The following CDKAL1 variants were observed in gnomAD, a reference collection of about 807,000 sequenced individuals.
The protein encoded by CDKAL1 is threonylcarbamoyladenosine tRNA methylthiotransferase.
A neutral mutation model predicts 68.2 loss-of-function variants in CDKAL1; 32 were observed. That is an observed-to-expected ratio of 0.47 (90% CI 0.35 to 0.63). The LOEUF (loss-of-function observed/expected upper bound fraction) is 0.63. CDKAL1 is among the 30% of genes least tolerant of loss of function. The probability of loss-of-function intolerance (pLI) is 0.00; values close to 1 mark genes in which losing one functional copy is unlikely to be tolerated. For synonymous variants in CDKAL1, 234 were observed against 244.3 expected (o/e 0.96, Z 0.39); for missense variants, 606 against 696.7 (o/e 0.87, Z 1.47).
chr6:21,152,630 A>G (rs1294216165), intron 13 of CDKAL1, among the ~76,000 whole-genome samples: 2 of 152,112 alleles, frequency 1.3e-5, no homozygotes, highest in Admixed American at 1.3e-4. Flanking sequence ...TGCTAGCTAT[A>G]CCTCTTGTTT....
At chr6:21,016,848 A>G (rs1054605629) in intron 11 of CDKAL1, among the ~76,000 whole-genome samples, 16 of 152,198 alleles carry the variant, frequency 1.1e-4, no homozygotes, top group African/African-American at 3.6e-4. Context: ...TTAAGTAAGT[A>G]TAGGTGGGAC....
intron 9 of CDKAL1, among the ~76,000 whole-genome samples, chr6:20,872,853 T>C (rs947051263): frequency 2.0e-5 from 3 of 152,202 alleles, no homozygotes; most frequent in Admixed American, 1.3e-4. Flanking sequence ...AACCAAAGGA[T>C]ATTTTAGAAT....
chr6:20,575,541 T>A (rs1365006791), intron 4 of CDKAL1, among the ~76,000 whole-genome samples: 1 of 151,956 alleles, frequency 6.6e-6, no homozygotes, highest in Non-Finnish European at 1.5e-5. Flanking sequence ...ATGATTTTTC[T>A]CATAATCTAT....
intron 11 of CDKAL1, among the ~76,000 whole-genome samples, chr6:21,019,718 GAT>G: frequency 6.6e-6 from 1 of 151,860 alleles, no homozygotes; most frequent in East Asian, 1.9e-4. Context: ...TAATTAATTG[GAT>G]ATATATATAG....
chr6:20,827,071 GTTA>G (rs886507314), intron 8 of CDKAL1, among the ~76,000 whole-genome samples: 25 of 152,086 alleles, frequency 1.6e-4, no homozygotes, highest in Non-Finnish European at 7.4e-5. Flanking sequence ...TATATTTTAT[GTTA>G]TTATTAAAGA....
chr6:20,595,303 A>G (rs1765773800), intron 4 of CDKAL1, among the ~76,000 whole-genome samples: 1 of 152,182 alleles, frequency 6.6e-6, no homozygotes. Flanking sequence ...ACTTTCAGGT[A>G]CACCAATCAA....
intron 4 of CDKAL1, among the ~76,000 whole-genome samples, chr6:20,600,215 A>G (rs1446456438): frequency 6.6e-6 from 1 of 152,088 alleles, no homozygotes; most frequent in African/African-American, 2.4e-5. Context: ...TGTAATGGCT[A>G]TGTGGAGTTG....
chr6:20,750,595 A>G (rs1773872822), intron 6 of CDKAL1, among the ~76,000 whole-genome samples: 1 of 152,152 alleles, frequency 6.6e-6, no homozygotes. Context: ...CCATTCCTGG[A>G]CAAGATGTAC....
intron 8 of CDKAL1, among the ~76,000 whole-genome samples, chr6:20,792,818 G>A (rs1561782407): frequency 6.6e-6 from 1 of 152,174 alleles, no homozygotes; most frequent in Admixed American, 6.5e-5. Context: ...ACCTAGTAAT[G>A]TATCACTGCT....
chr6:20,819,794 TAGC>T (rs1221987359), intron 8 of CDKAL1, among the ~76,000 whole-genome samples: 37 of 152,262 alleles, frequency 2.4e-4, no homozygotes, highest in African/African-American at 8.7e-4. Context: ...GATCAGAAGA[TAGC>T]AGTAAATACA....
At position 20,803,655 on chromosome 6, in the gene CDKAL1, G is replaced by A. The variant is rs988867623; in HGVS notation, c.638+22390G>A. ...AAGAGTGGGCAGGAGATGAGGCATA[G>A]GGACAAGATAGTATCTTTTAAGAAG... On this transcript the variant is annotated intron_variant, in intron 8 of 15. Transcript: ENST00000274695. 2.0e-4 allele frequency among the ~76,000 whole-genome samples: 30 copies of A among 152,276 alleles called. 1 individual carries two copies. Among genetic ancestry groups the A allele is most frequent in the Admixed American group, 1.8e-3 (27 of 15,288 alleles).
intron 10 of CDKAL1, among the ~76,000 whole-genome samples, chr6:20,966,145 C>T (rs1765301158): frequency 1.3e-5 from 2 of 152,098 alleles, no homozygotes; most frequent in Admixed American, 1.3e-4. Context: ...GAGGGACATT[C>T]TGCATATTTG....
intron 11 of CDKAL1, among the ~76,000 whole-genome samples, chr6:21,027,812 A>G (rs1471667409): frequency 3.3e-5 from 5 of 152,224 alleles, no homozygotes; most frequent in African/African-American, 1.2e-4. Flanking sequence ...ACAGGCTAAT[A>G]TAAGTGGGGA....
At chr6:21,209,284 A>C (rs1406204112) in intron 15 of CDKAL1, among the ~76,000 whole-genome samples, 1 of 152,194 alleles carries the variant, frequency 6.6e-6, no homozygotes, top group Non-Finnish European at 1.5e-5. Context: ...GTCCACGTTC[A>C]AGATAGGAGG....
chr6:21,120,791 T>TA (rs35885025), intron 13 of CDKAL1, among the ~76,000 whole-genome samples: 7 of 152,186 alleles, frequency 4.6e-5, no homozygotes, highest in East Asian at 1.9e-4. Context: ...CATTCTTTTT[T>TA]AAAAAAATAG....
At chr6:20,565,090 C>A (rs1451777218) in intron 4 of CDKAL1, among the ~76,000 whole-genome samples, 1 of 151,872 alleles carries the variant, frequency 6.6e-6, no homozygotes, top group Non-Finnish European at 1.5e-5. Flanking sequence ...TAGTTTATGA[C>A]CTAGAAAGAG....
chr6:20,677,001 G>A (rs17824302), intron 5 of CDKAL1, among the ~76,000 whole-genome samples: 5,628 of 152,198 alleles, frequency 0.037, 113 homozygotes, highest in Middle Eastern at 0.082. Context: ...CTGCAAAAGT[G>A]ACCTCTTATG....
At chr6:20,600,154 T>C (rs1465535329) in intron 4 of CDKAL1, among the ~76,000 whole-genome samples, 3 of 152,194 alleles carry the variant, frequency 2.0e-5, no homozygotes, top group Non-Finnish European at 4.4e-5. Flanking sequence ...TTGTAGCCTT[T>C]ATCCATTAAT....
chr6:21,153,763 T>C (rs1776521650), intron 13 of CDKAL1, among the ~76,000 whole-genome samples: 1 of 152,122 alleles, frequency 6.6e-6, no homozygotes, highest in Admixed American at 6.6e-5. Context: ...ATAACTAATA[T>C]TCAGTTTTAA....
Sources: gnomAD v4.1 joint callset for allele counts (sites outside exome capture counted in the v4.1 genomes callset) on GRCh38, gnomAD v4.1.1 for gene constraint, MANE v1.5 for transcripts, NCBI Gene and HGNC (gene_info 2026-07-23, HGNC 2026-07-21) for gene names.